TRIM66: variants seen among roughly 807,000 people sequenced by gnomAD.
TRIM66 encodes the protein tripartite motif containing 66, also known as tripartite motif-containing protein 66.
Under a neutral mutation model 148.2 loss-of-function variants are expected in TRIM66, and 99 were observed. The observed-to-expected ratio is 0.67, with a 90% CI of 0.57 to 0.79. The LOEUF is 0.79. Ranked by LOEUF, TRIM66 falls within the 30% of genes least tolerant of loss-of-function variation. The probability of loss-of-function intolerance (pLI) is 0.00; values close to 1 mark genes in which losing one functional copy is unlikely to be tolerated. For missense variants in TRIM66, 1,666 were observed against 1,697.9 expected (o/e 0.98, Z 0.33); for synonymous variants, 616 against 635.9 (o/e 0.97, Z 0.47).
chr11:8,618,885 C>A lies in TRIM66; in HGVS notation c.3984G>T (p.Arg1328=), dbSNP rs1242729931. The change falls in exon 24 of 25, where the codon CGG becomes CGT. Residue 1328 remains arginine, a synonymous_variant. Transcript: ENST00000646038. ...AGTCCTCCTGCCTTGGCTGGGCAAA[C>A]CGTTTCTCCGGGTAGATCTCCTTCA... The part of the protein sequence containing the change: ...GWLKEIYPEK[R]FAQPRQEDSD... 5 of 1,551,396 alleles carry A rather than the reference C, an allele frequency of 3.2e-6. No individual in the cohort carries two copies. Among genetic ancestry groups the A allele is most frequent in the Non-Finnish European group, 2.6e-6 (3 of 1,146,972 alleles).
chr11:8,645,707 A>G, intron 12 of TRIM66, 34 bp downstream of exon 12: 1 of 1,550,862 alleles, frequency 6.4e-7, no homozygotes, highest in Non-Finnish European at 8.7e-7. Flanking sequence ...ATAAGCTTCA[A>G]GGACAGGCTG....
intron 6 of TRIM66, among the ~76,000 whole-genome samples, chr11:8,660,712 A>G (rs953473458): frequency 6.6e-6 from 1 of 152,218 alleles, no homozygotes; most frequent in Admixed American, 6.5e-5. Flanking sequence ...AATTCTGATT[A>G]CGGGGATTTT....
intron 14 of TRIM66, 127 bp from the exon 15 acceptor site, chr11:8,638,942 T>C (rs1196229628): frequency 1.0e-6 from 1 of 1,000,836 alleles, no homozygotes; most frequent in Non-Finnish European, 1.4e-6. Flanking sequence ...GTGGACTGCT[T>C]AAACGTTTTC....
chr11:8,624,275 C>T, intron 17 of TRIM66, 84 bp downstream of exon 17: 1 of 1,432,730 alleles, frequency 7.0e-7, no homozygotes, highest in Non-Finnish European at 9.4e-7. Context: ...TAGAGCTTGT[C>T]TGCTGGCCTC....
At chr11:8,624,069 G>A (rs1175045059) in intron 17 of TRIM66, among the ~76,000 whole-genome samples, 5 of 152,144 alleles carry the variant, frequency 3.3e-5, no homozygotes, top group Non-Finnish European at 5.9e-5. Context: ...GCCCTCCTGG[G>A]CTGAGTTCTG....
chr11:8,621,452 C>T, intron 19 of TRIM66, 131 bp from the exon 20 acceptor site: 1 of 1,350,286 alleles, frequency 7.4e-7, no homozygotes, highest in Non-Finnish European at 9.8e-7. Flanking sequence ...AGCCAGCAAG[C>T]CCCATGAATG....
intron 18 of TRIM66, among the ~76,000 whole-genome samples, chr11:8,622,362 A>ACC: frequency 1.0e-5 from 1 of 98,770 alleles, no homozygotes; most frequent in East Asian, 2.3e-4. Context: ...ACACACACAC[A>ACC]CACATATATA....
intron 12 of TRIM66, 117 bp downstream of exon 12, chr11:8,645,624 C>G: frequency 8.1e-7 from 1 of 1,239,912 alleles, no homozygotes; most frequent in Non-Finnish European, 1.1e-6. Context: ...TATGTTATTC[C>G]TCCTTCCATC....
intron 6 of TRIM66, among the ~76,000 whole-genome samples, chr11:8,662,468 G>A (rs2038325851): frequency 6.6e-6 from 1 of 152,126 alleles, no homozygotes; most frequent in Non-Finnish European, 1.5e-5. Flanking sequence ...GTAGTGTTCG[G>A]GGATGCTGTC....
chr11:8,661,193 G>T (rs1346393241), intron 6 of TRIM66, among the ~76,000 whole-genome samples: 5 of 152,258 alleles, frequency 3.3e-5, no homozygotes, highest in Admixed American at 3.3e-4. Flanking sequence ...TCCAGGGCCT[G>T]TGAGGAAGAG....
intron 6 of TRIM66, among the ~76,000 whole-genome samples, chr11:8,668,727 A>G (rs990192112): frequency 8.6e-5 from 13 of 151,978 alleles, no homozygotes; most frequent in Non-Finnish European, 4.4e-5. Context: ...CTGGGATTAC[A>G]GGCGCACGCT....
intron 12 of TRIM66, 86 bp from the exon 13 acceptor site, chr11:8,643,212 A>G (rs760735042): frequency 1.4e-5 from 16 of 1,175,586 alleles, no homozygotes; most frequent in Non-Finnish European, 1.9e-5. Flanking sequence ...ACAAGCTGAA[A>G]GGCTCAAAGT....
chr11:8,650,597 G>A (rs2037277257), intron 7 of TRIM66, among the ~76,000 whole-genome samples: 1 of 152,148 alleles, frequency 6.6e-6, no homozygotes, highest in African/African-American at 2.4e-5. Context: ...CGTAAGCCAA[G>A]GATCTGATCT....
Position 8,617,874 on chromosome 11 carries a change from T to C in TRIM66, c.*70A>G. 6.9e-7 allele frequency: 1 copy of C among 1,442,002 alleles called. No homozygotes were observed. Among genetic ancestry groups the C allele is most frequent in the Non-Finnish European group, 9.5e-7 (1 of 1,047,274 alleles). The allele number at this position is 1,442,002 out of a possible 1,614,324, so 89.3% of individuals were successfully genotyped here. A position where few individuals can be genotyped will look rare whatever the true frequency, so the allele number is the denominator to read the frequency against. On this transcript the variant is annotated 3_prime_UTR_variant, in exon 25 of 25. Coordinates refer to ENST00000646038, the MANE Select transcript of TRIM66 (RefSeq NM_001388022.1). ...CATCCACACTCTGAAGAGGATAAGC[T>C]GCAAGATGGGGAGGAATGGTCGACA... is the stretch of plus-strand genomic sequence containing the variant.
chr11:8,634,192 A>G lies in TRIM66; in HGVS notation c.2310+4462T>C, dbSNP rs572937688. Among the ~76,000 whole-genome samples, 54 of 152,122 alleles carry G rather than the reference A, an allele frequency of 3.5e-4. No individual in the cohort carries two copies. In the South Asian group the frequency reaches 0.011, roughly 30 times the overall value. ...GAGAGCTTTTCATTTTCTTAAGACA[A>G]TCTCGCTCTGTTGCCCAAGTTGGAG... On this transcript the variant is annotated intron_variant, in intron 15 of 24. Coordinates refer to ENST00000646038, the MANE Select transcript of TRIM66 (RefSeq NM_001388022.1).
intron 6 of TRIM66, among the ~76,000 whole-genome samples, chr11:8,657,631 T>C (rs2037941662): frequency 6.6e-6 from 1 of 152,106 alleles, no homozygotes; most frequent in Non-Finnish European, 1.5e-5. Context: ...ACTCTAGTTG[T>C]ATCCTCTGGC....
chr11:8,636,794 T>C (rs2035918530), intron 15 of TRIM66, among the ~76,000 whole-genome samples: 1 of 152,152 alleles, frequency 6.6e-6, no homozygotes, highest in African/African-American at 2.4e-5. Flanking sequence ...ATATCCCTCC[T>C]TTCTGGAAGT....
chr11:8,681,260 A>G (rs976443013), intron 1 of TRIM66, among the ~76,000 whole-genome samples: 3 of 151,704 alleles, frequency 2.0e-5, no homozygotes, highest in Non-Finnish European at 2.9e-5. Context: ...CAGCCTCCCG[A>G]GTAGCTGGGA....
At chr11:8,662,193 G>A (rs934347042) in intron 6 of TRIM66, among the ~76,000 whole-genome samples, 1 of 152,158 alleles carries the variant, frequency 6.6e-6, no homozygotes, top group African/African-American at 2.4e-5. Flanking sequence ...GACCCCACAA[G>A]GCTGGACACA....
Sources: allele counts gnomAD v4.1 joint callset (sites outside exome capture counted in the v4.1 genomes callset), GRCh38; gene constraint gnomAD v4.1.1; transcripts MANE v1.5; gene names NCBI Gene and HGNC (gene_info 2026-07-23, HGNC 2026-07-21).